The following MYO3B variants were observed in gnomAD, a reference collection of about 807,000 sequenced individuals.
MYO3B encodes myosin-IIIb.
In MYO3B, 156 loss-of-function variants were observed where a neutral mutation model predicts 174.6. The observed-to-expected ratio is 0.89, with a 90% CI of 0.78 to 1.02. MYO3B has a LOEUF of 1.02. Ranked by LOEUF, MYO3B falls within the 50% of genes least tolerant of loss-of-function variation. MYO3B has a pLI of 0.00. For missense variants in MYO3B, 1,632 were observed against 1,639.4 expected (o/e 1.00, Z 0.08); for synonymous variants, 563 against 569.1 (o/e 0.99, Z 0.15).
chr2:170,616,250 C>T (rs1375490162), intron 32 of MYO3B, among the ~76,000 whole-genome samples: 1 of 152,176 alleles, frequency 6.6e-6, no homozygotes, highest in Non-Finnish European at 1.5e-5. Flanking sequence ...ATAGCCCTAT[C>T]TTATCCATAC....
chr2:170,519,271 C>T (rs545627716), intron 29 of MYO3B, among the ~76,000 whole-genome samples, 167 bp from the exon 30 acceptor site: 10 of 152,108 alleles, frequency 6.6e-5, no homozygotes, highest in Admixed American at 5.2e-4. Flanking sequence ...GACCTGGAAT[C>T]GAGAACAGCT....
intron 32 of MYO3B, among the ~76,000 whole-genome samples, chr2:170,597,496 C>T (rs912820052): frequency 6.6e-6 from 1 of 152,112 alleles, no homozygotes; most frequent in African/African-American, 2.4e-5. Context: ...TATTGCCTGG[C>T]CCTCCAGAGT....
intron 7 of MYO3B, among the ~76,000 whole-genome samples, chr2:170,284,072 A>G (rs1015427086): frequency 6.6e-6 from 1 of 152,192 alleles, no homozygotes; most frequent in Non-Finnish European, 1.5e-5. Flanking sequence ...TACCAAAACA[A>G]TGACTACTCT....
Position 170,578,235 on chromosome 2 carries a change from G to A in MYO3B, c.3733+34247G>A, listed in dbSNP as rs149180149. Among the ~76,000 whole-genome samples the A allele has an allele frequency of 9.2e-5, 14 of 152,330 alleles. 1 individual carries two copies. Among genetic ancestry groups the A allele is most frequent in the African/African-American group, 2.6e-4 (11 of 41,572 alleles). ...TCTCACAGACAAGGTCGCAGCCTGCGGCTCTTGGGGTCGTGATGTCTGGAG... is the reference window on the plus strand; with the variant it reads ...TCTCACAGACAAGGTCGCAGCCTGCAGCTCTTGGGGTCGTGATGTCTGGAG... On this transcript the variant is annotated intron_variant, in intron 32 of 34. Coordinates refer to ENST00000408978, the MANE Select transcript of MYO3B (RefSeq NM_138995.5).
At position 170,645,677 on chromosome 2, in the gene MYO3B, A is replaced by G. The variant is rs1396567871; in HGVS notation, c.3734-5951A>G. Among the ~76,000 whole-genome samples the G allele has an allele frequency of 3.3e-5, 5 of 152,226 alleles. No homozygotes were observed. The East Asian group carries it at 9.6e-4, about 29-fold the overall frequency. On this transcript the variant is annotated intron_variant, in intron 32 of 34. Coordinates refer to ENST00000408978, the MANE Select transcript of MYO3B (RefSeq NM_138995.5). ...AGCCTTTTCTGGTTATACTTTCTTC[A>G]TATATGCAAAGAACTAACAATTTTG...
chr2:170,327,493 T>C (rs1416610833), intron 7 of MYO3B, among the ~76,000 whole-genome samples: 2 of 62,758 alleles, frequency 3.2e-5, no homozygotes, highest in Non-Finnish European at 8.8e-5. Context: ...TCATAGTTAT[T>C]AATCATAGAA....
chr2:170,340,115 T>C (rs2093968081), intron 8 of MYO3B: 1 of 152,226 alleles, frequency 6.6e-6, no homozygotes, highest in Non-Finnish European at 1.5e-5. Flanking sequence ...CACTTTTCTT[T>C]TTAAGTTCAA....
intron 19 of MYO3B, among the ~76,000 whole-genome samples, chr2:170,403,576 C>T (rs2094492287): frequency 6.6e-6 from 1 of 152,202 alleles, no homozygotes; most frequent in African/African-American, 2.4e-5. Context: ...TCTGATCAAC[C>T]CCAACCTTTA....
intron 32 of MYO3B, among the ~76,000 whole-genome samples, chr2:170,615,575 A>G (rs1695408096): frequency 6.6e-6 from 1 of 152,226 alleles, no homozygotes; most frequent in South Asian, 2.1e-4. Context: ...GCTTCTTACA[A>G]ATTACACCAA....
At chr2:170,520,188 A>G (rs1388958699) in intron 30 of MYO3B, among the ~76,000 whole-genome samples, 1 of 152,018 alleles carries the variant, frequency 6.6e-6, no homozygotes, top group Non-Finnish European at 1.5e-5. Flanking sequence ...TGCAGTTGGC[A>G]TCTAATGGGC....
Position 170,653,386 on chromosome 2 carries a change from A to G in MYO3B, c.*265A>G. On this transcript the variant is annotated 3_prime_UTR_variant, in exon 35 of 35. Transcript: ENST00000408978. Reference sequence around the variant, plus strand: ...GTGGGACACTGAGAACACCTTTACAATAGTTTAAACAGTCATTCATGCCCC... The same window carrying G: ...GTGGGACACTGAGAACACCTTTACAGTAGTTTAAACAGTCATTCATGCCCC... 1 of 466,118 alleles carries G rather than the reference A, an allele frequency of 2.1e-6. No individual in the cohort carries two copies. The highest frequency in any genetic ancestry group is 3.8e-6 in the Non-Finnish European group (1 of 261,124). 28.9% of individuals were successfully genotyped at this position (466,118 alleles called of 1,614,324 possible).
intron 25 of MYO3B, among the ~76,000 whole-genome samples, chr2:170,492,156 T>A (rs1035841403): frequency 1.3e-5 from 2 of 152,212 alleles, no homozygotes; most frequent in African/African-American, 4.8e-5. Context: ...AGTACTCTAT[T>A]GTCCTATGAA....
chr2:170,577,791 C>A (rs10193179), intron 32 of MYO3B, among the ~76,000 whole-genome samples: 54,659 of 152,072 alleles, frequency 0.36, 10,573 homozygotes, highest in Admixed American at 0.42. Flanking sequence ...TCCTGAGGAA[C>A]TTCTGAAATG....
chr2:170,540,818 G>A (rs1173399290), intron 30 of MYO3B, among the ~76,000 whole-genome samples: 1 of 151,958 alleles, frequency 6.6e-6, no homozygotes, highest in Non-Finnish European at 1.5e-5. Context: ...CAGAGGAGAA[G>A]GGTCCATTGT....
intron 32 of MYO3B, among the ~76,000 whole-genome samples, chr2:170,575,754 A>G (rs1484511106): frequency 1.3e-5 from 2 of 152,204 alleles, no homozygotes; most frequent in Non-Finnish European, 2.9e-5. Flanking sequence ...CTATACTTCT[A>G]ATATTTCCTC....
At chr2:170,397,617 A>T (rs2105783708) in intron 16 of MYO3B, among the ~76,000 whole-genome samples, 1 of 152,312 alleles carries the variant, frequency 6.6e-6, no homozygotes, top group Non-Finnish European at 1.5e-5. Context: ...GTTTTTACTC[A>T]CATTTCTGAC....
At chr2:170,247,230 A>C (rs1304222342) in intron 7 of MYO3B, among the ~76,000 whole-genome samples, 2 of 152,206 alleles carry the variant, frequency 1.3e-5, no homozygotes, top group Admixed American at 1.3e-4. Flanking sequence ...ATCTCAGAAC[A>C]CAGTAGTACT....
intron 30 of MYO3B, among the ~76,000 whole-genome samples, chr2:170,537,377 C>T (rs887921878): frequency 2.7e-5 from 4 of 146,400 alleles, no homozygotes; most frequent in Non-Finnish European, 4.5e-5. Context: ...CTGATCATAT[C>T]GTCTGCAGAG....
intron 32 of MYO3B, among the ~76,000 whole-genome samples, chr2:170,580,713 T>TAG: frequency 1.8e-5 from 1 of 56,238 alleles, no homozygotes; most frequent in Admixed American, 1.7e-4. Flanking sequence ...CACAAAACCT[T>TAG]ATATATGTGT....
Sources: allele counts gnomAD v4.1 joint callset (sites outside exome capture counted in the v4.1 genomes callset), GRCh38; gene constraint gnomAD v4.1.1; transcripts MANE v1.5; gene names NCBI Gene and HGNC (gene_info 2026-07-23, HGNC 2026-07-21).